Variants in P2RX3 observed in about 807,000 individuals in gnomAD.
P2RX3 encodes P2X purinoceptor 3.
P2RX3 carries 41 observed loss-of-function variants against 51.5 expected under a neutral mutation model. The ratio of observed to expected loss-of-function variants is 0.80; its 90% CI spans 0.62 to 1.03. The LOEUF (loss-of-function observed/expected upper bound fraction) is 1.03, where lower values mean the gene tolerates loss of function less well. Among genes scored for constraint, P2RX3 ranks in the 50% least tolerant of loss-of-function variants. P2RX3 has a pLI of 0.00. For synonymous variants in P2RX3, 185 were observed against 191.6 expected, an observed-to-expected ratio of 0.97 and a Z score of 0.29; for missense variants, 459 against 522.1, an observed-to-expected ratio of 0.88 and a Z score of 1.18.
chr11:57,345,406 G>T (rs1222183883), intron 1 of P2RX3, among the ~76,000 whole-genome samples: 3 of 152,156 alleles, frequency 2.0e-5, no homozygotes, highest in Non-Finnish European at 4.4e-5. Flanking sequence ...TGTAACAGAT[G>T]TATTTGTTTG....
chr11:57,347,921 G>A (rs1007853447), intron 4 of P2RX3, among the ~76,000 whole-genome samples: 1 of 152,176 alleles, frequency 6.6e-6, no homozygotes, highest in African/African-American at 2.4e-5. Flanking sequence ...GGCAAGGAAG[G>A]AAGCACAAGA....
chr11:57,347,333 G>A (rs1334246842), intron 3 of P2RX3, 82 bp from the exon 4 acceptor site: 1 of 1,510,632 alleles, frequency 6.6e-7, no homozygotes, highest in East Asian at 2.4e-5. Flanking sequence ...GAGGCTGTTG[G>A]TTATGGGGAG....
intron 7 of P2RX3, 90 bp from the exon 8 acceptor site, chr11:57,350,672 T>C: frequency 5.2e-6 from 8 of 1,540,256 alleles, no homozygotes; most frequent in Non-Finnish European, 7.0e-6. Flanking sequence ...GAGGAAATCA[T>C]TTGTCACCAC....
chr11:57,357,434 A>C (rs1389978177), intron 8 of P2RX3, among the ~76,000 whole-genome samples: 1 of 152,214 alleles, frequency 6.6e-6, no homozygotes, highest in Non-Finnish European at 1.5e-5. Flanking sequence ...GCCAGAATTC[A>C]AACCCTAGCA....
At chr11:57,339,773 C>G (rs1856304509) in intron 1 of P2RX3, among the ~76,000 whole-genome samples, 1 of 152,194 alleles carries the variant, frequency 6.6e-6, no homozygotes, top group African/African-American at 2.4e-5. Context: ...AAAGGAGAAT[C>G]CTGTGTGCCT....
intron 1 of P2RX3, among the ~76,000 whole-genome samples, chr11:57,342,496 G>A (rs1286469376): frequency 6.6e-6 from 1 of 152,046 alleles, no homozygotes; most frequent in Non-Finnish European, 1.5e-5. Flanking sequence ...GGTCCAGAGA[G>A]AGGAGTGACT....
intron 1 of P2RX3, among the ~76,000 whole-genome samples, chr11:57,343,590 A>C (rs1486782582): frequency 6.6e-6 from 1 of 152,192 alleles, no homozygotes; most frequent in Non-Finnish European, 1.5e-5. Context: ...CTCAGTAAGA[A>C]TGTAGTGAAA....
At chr11:57,339,625 C>G (rs1213965308) in intron 1 of P2RX3, among the ~76,000 whole-genome samples, 1 of 152,160 alleles carries the variant, frequency 6.6e-6, no homozygotes, top group Non-Finnish European at 1.5e-5. Flanking sequence ...TGGTGGGCAC[C>G]AGGAAATACA....
rs377490584 is a variant in P2RX3 at position 57,369,907 on chromosome 11, C to A, written c.1104C>A (p.Ile368=). Residue 368 remains isoleucine (I), a synonymous_variant, in exon 12 of 12, where the codon ATC becomes ATA. Transcript: ENST00000263314. The stretch of plus-strand genomic sequence containing the variant: ...AGGTGAATGAGACTACGCTGAAAAT[C>A]GCGGCTTTGACCAACCCAGTGTACC... ...FEEVNETTLK[I]AALTNPVYPS... 6.2e-7 allele frequency: 1 copy of A among 1,613,718 alleles called. No homozygotes were observed.
At chr11:57,336,843 C>T (rs893065874), upstream of P2RX3, among the ~76,000 whole-genome samples, 5 of 152,210 alleles carry the variant, frequency 3.3e-5, no homozygotes, top group African/African-American at 1.2e-4. Context: ...AACAGGAATG[C>T]ACCCTTCTCC....
At chr11:57,345,881 C>T in intron 1 of P2RX3, among the ~76,000 whole-genome samples, 1 of 151,604 alleles carries the variant, frequency 6.6e-6, no homozygotes, top group Non-Finnish European at 1.5e-5. Context: ...CCCCAGCCCC[C>T]CCACCTTCAA....
rs936890076 is a variant in P2RX3, at chr11:57,369,537, G to C, written c.1080+99G>C. 1.1e-5 allele frequency: 13 copies of C among 1,152,216 alleles called. No individual in the cohort carries two copies. In the African/African-American group the frequency reaches 1.7e-4, roughly 15 times the overall value. 71.4% of individuals were successfully genotyped at this position (1,152,216 alleles called of 1,614,324 possible). A position where few individuals can be genotyped will look rare whatever the true frequency, so the allele number is the denominator to read the frequency against. On this transcript the variant is annotated intron_variant, in intron 11 of 11. Coordinates refer to ENST00000263314, the MANE Select transcript of P2RX3 (RefSeq NM_002559.5). ...GCTCCCCTTCTGAGGCCTTCTGAAG[G>C]GGGGTTCACCAGGCCTCAATGAATA... is the stretch of plus-strand genomic sequence containing the variant.
intron 6 of P2RX3, 87 bp downstream of exon 6, chr11:57,348,791 G>C: frequency 2.2e-6 from 2 of 915,006 alleles, no homozygotes; most frequent in East Asian, 2.5e-5. Flanking sequence ...ATGCCCCCTC[G>C]CCACAGTTCT....
At chr11:57,361,036 T>TAAACATGGAATTG (rs1565071101) in intron 8 of P2RX3, among the ~76,000 whole-genome samples, 1 of 152,016 alleles carries the variant, frequency 6.6e-6, no homozygotes, top group African/African-American at 2.4e-5. Flanking sequence ...GCTACCAAGG[T>TAAACATGGAATTG]GAAGTCACTA....
At chr11:57,352,860 C>A (rs1366646745) in intron 8 of P2RX3, among the ~76,000 whole-genome samples, 1 of 152,128 alleles carries the variant, frequency 6.6e-6, no homozygotes, top group Non-Finnish European at 1.5e-5. Context: ...CTCTTAGGAT[C>A]TCAGATAATT....
chr11:57,368,249 T>C, intron 9 of P2RX3, 123 bp from the exon 10 acceptor site: 1 of 1,321,418 alleles, frequency 7.6e-7, no homozygotes, highest in Non-Finnish European at 1.1e-6. Flanking sequence ...TCAATTCACC[T>C]GTCCCGTGAA....
rs534572664 is a variant in P2RX3 at position 57,370,254 on chromosome 11, C to T, written c.*257C>T. On this transcript the variant is annotated 3_prime_UTR_variant, in exon 12 of 12. Coordinates refer to ENST00000263314, the MANE Select transcript of P2RX3 (RefSeq NM_002559.5). The stretch of plus-strand genomic sequence containing the variant: ...GACCCCTGGGGCAGGAGCACCTGAG[C>T]CATCCCCTTCCCAAAGAGTAGAGAT... The T allele has an allele frequency of 4.1e-6, 2 of 492,318 alleles. No homozygotes were observed. Among genetic ancestry groups the T allele is most frequent in the East Asian group, 3.5e-5 (1 of 28,246 alleles). The allele number at this position is 492,318 out of a possible 1,614,324, so 30.5% of individuals were successfully genotyped here.
chr11:57,368,433 G>A lies in P2RX3; in HGVS notation c.998G>A (p.Gly333Glu). ...ISSVAAFTSV[G>E]VGTVLCDIIL... Reference sequence around the variant, plus strand: ...TCTGTGGCGGCCTTTACTTCTGTGGGAGTGGTGAGTTCAGCCCCTCCACGC... The same window carrying A: ...TCTGTGGCGGCCTTTACTTCTGTGGAAGTGGTGAGTTCAGCCCCTCCACGC... The change falls in exon 10 of 12, where the codon GGA (glycine) becomes GAA (glutamate). Residue 333 changes from glycine (G) to glutamate (E), a missense_variant. Coordinates refer to ENST00000263314, the MANE Select transcript of P2RX3 (RefSeq NM_002559.5). 1.2e-6 allele frequency: 2 copies of A among 1,614,138 alleles called. No homozygotes were observed. The highest frequency in any genetic ancestry group is 1.7e-6 in the Non-Finnish European group (2 of 1,180,028).
intron 8 of P2RX3, among the ~76,000 whole-genome samples, chr11:57,362,580 C>T (rs1856737604): frequency 6.6e-6 from 1 of 152,166 alleles, no homozygotes; most frequent in African/African-American, 2.4e-5. Context: ...GATGCACCAG[C>T]TGGAGAACGA....
Sources: allele counts gnomAD v4.1 joint callset (sites outside exome capture counted in the v4.1 genomes callset), GRCh38; gene constraint gnomAD v4.1.1; transcripts MANE v1.5; gene names NCBI Gene and HGNC (gene_info 2026-07-23, HGNC 2026-07-21).